The following TMCC1 variants were observed in gnomAD, a reference collection of about 807,000 sequenced individuals.
TMCC1 encodes the protein transmembrane and coiled-coil domains protein 1.
TMCC1 carries 15 observed loss-of-function variants against 52.4 expected under a neutral mutation model. The ratio of observed to expected loss-of-function variants is 0.29; its 90% CI spans 0.19 to 0.44. The LOEUF is 0.44. Among genes scored for constraint, TMCC1 ranks in the 20% least tolerant of loss-of-function variants. TMCC1 has a pLI of 1.00. For missense variants in TMCC1, 503 were observed against 806.0 expected, an observed-to-expected ratio of 0.62 and a Z score of 4.55; for synonymous variants, 279 against 301.9, an observed-to-expected ratio of 0.92 and a Z score of 0.79.
In TMCC1 at chr3:129,828,067, A is replaced by G. The variant is rs761224048; in HGVS notation, c.312T>C (p.Arg104=). The G allele has an allele frequency of 6.2e-7, 1 of 1,614,120 alleles. No individual in the cohort carries two copies. Among genetic ancestry groups the G allele is most frequent in the Non-Finnish European group, 8.5e-7 (1 of 1,180,016 alleles). ...GVPTHPTALN[R]VLQQIRVPPK... ...GTGGCACTCGAATCTGCTGCAGGACACGATTCAGAGCTGTGGGGTGGGTGG... is the reference window on the plus strand; with the variant it reads ...GTGGCACTCGAATCTGCTGCAGGACGCGATTCAGAGCTGTGGGGTGGGTGG... Residue 104 remains arginine (R), a synonymous_variant, in exon 4 of 7, where the codon CGT becomes CGC. Transcript: ENST00000393238. The surrounding 1 kb of genome is among the most constrained non-coding windows in gnomAD (Gnocchi z 4.1).
At chr3:129,672,649 G>C (rs2088053982) in intron 4 of TMCC1, among the ~76,000 whole-genome samples, 1 of 152,072 alleles carries the variant, frequency 6.6e-6, no homozygotes, top group African/African-American at 2.4e-5. Flanking sequence ...ACAGAGTAAT[G>C]AGTAATGAGT....
chr3:129,855,825 T>C (rs1254025877), intron 2 of TMCC1, among the ~76,000 whole-genome samples: 1 of 152,216 alleles, frequency 6.6e-6, no homozygotes, highest in African/African-American at 2.4e-5. Context: ...GATATTATAA[T>C]TCATTTTTAA....
intron 4 of TMCC1, among the ~76,000 whole-genome samples, chr3:129,712,623 A>AT (rs946518980): frequency 1.5e-4 from 22 of 149,306 alleles, no homozygotes; most frequent in South Asian, 2.1e-4. Context: ...AATTAAAAAA[A>AT]TTTTTTTTTT....
chr3:129,655,720 C>T (rs2086624891), intron 5 of TMCC1, among the ~76,000 whole-genome samples: 1 of 152,116 alleles, frequency 6.6e-6, no homozygotes, highest in Admixed American at 6.6e-5. Flanking sequence ...GAGTGCCTGC[C>T]CTCAGGAGTT....
At chr3:129,763,633 A>C (rs2107684324) in intron 4 of TMCC1, among the ~76,000 whole-genome samples, 1 of 151,882 alleles carries the variant, frequency 6.6e-6, no homozygotes, top group African/African-American at 2.4e-5. Context: ...AGAACTTAAT[A>C]AAAGCCAGAT....
At chr3:129,868,969 T>C (rs2060788021) in intron 2 of TMCC1, 1 of 152,230 alleles carries the variant, frequency 6.6e-6, no homozygotes, top group Non-Finnish European at 1.5e-5. Flanking sequence ...CCTTGATTCC[T>C]GGCAGAGCTC....
chr3:129,738,039 C>T (rs2051126029), intron 4 of TMCC1, among the ~76,000 whole-genome samples: 1 of 151,804 alleles, frequency 6.6e-6, no homozygotes, highest in Admixed American at 6.6e-5. Context: ...GGGAGGCTGA[C>T]GTGGGCAGAC....
intron 4 of TMCC1, among the ~76,000 whole-genome samples, chr3:129,743,201 CTCTT>C (rs2051614718): frequency 6.6e-6 from 1 of 152,168 alleles, no homozygotes; most frequent in African/African-American, 2.4e-5. Context: ...TTTCAAAAAG[CTCTT>C]TCTAAAAAGT....
intron 4 of TMCC1, among the ~76,000 whole-genome samples, chr3:129,678,869 AAC>A (rs1187956902): frequency 2.0e-5 from 3 of 152,320 alleles, no homozygotes; most frequent in Non-Finnish European, 2.9e-5. Flanking sequence ...CTAGCAATGC[AAC>A]AGTCTCCTAT....
chr3:129,836,602 A>G (rs2059171330), intron 2 of TMCC1, among the ~76,000 whole-genome samples: 1 of 152,224 alleles, frequency 6.6e-6, no homozygotes, highest in South Asian at 2.1e-4. Flanking sequence ...TCCAGGCAAT[A>G]CAACATTTAT....
At position 129,891,928 on chromosome 3, in the gene TMCC1, A is replaced by T. The variant is rs140466302; in HGVS notation, c.-435+1566T>A. ...CAGTTTAAAGTAATGGTGGTTGGTC[A>T]CCAACTAGTCTAGGGCACTGGGGTT... is the stretch of plus-strand genomic sequence containing the variant. On this transcript the variant is annotated intron_variant, in intron 1 of 6. Coordinates refer to ENST00000393238, the MANE Select transcript of TMCC1 (RefSeq NM_001017395.5). Among the ~76,000 whole-genome samples the T allele has an allele frequency of 4.6e-5, 7 of 152,338 alleles. No homozygotes were observed. The East Asian group carries it at 1.3e-3, about 29-fold the overall frequency.
chr3:129,839,468 T>C (rs1317493538), intron 2 of TMCC1, among the ~76,000 whole-genome samples: 1 of 151,272 alleles, frequency 6.6e-6, no homozygotes, highest in African/African-American at 2.4e-5. Context: ...AAGAAGGCAG[T>C]AGGAAAAAAA....
chr3:129,836,302 CAAAT>C (rs1242754764), intron 2 of TMCC1, among the ~76,000 whole-genome samples: 4 of 152,066 alleles, frequency 2.6e-5, no homozygotes, highest in African/African-American at 7.2e-5. Context: ...ACAAATGACT[CAAAT>C]AAAGGGAGAG....
At chr3:129,739,305 T>C (rs1576640931) in intron 4 of TMCC1, among the ~76,000 whole-genome samples, 1 of 152,174 alleles carries the variant, frequency 6.6e-6, no homozygotes, top group East Asian at 1.9e-4. Flanking sequence ...CTAGCTGGGA[T>C]TACAGGCATG....
intron 2 of TMCC1, among the ~76,000 whole-genome samples, chr3:129,859,326 G>A: frequency 6.6e-6 from 1 of 152,120 alleles, no homozygotes; most frequent in South Asian, 2.1e-4. Context: ...ATTTAAGTAT[G>A]AGATAAACCA....
At chr3:129,671,342 G>C in intron 4 of TMCC1, 78 bp from the exon 5 acceptor site, 1 of 1,397,138 alleles carries the variant, frequency 7.2e-7, no homozygotes, top group South Asian at 1.4e-5. Context: ...AAATGTATTG[G>C]AAATGTGTCT....
At chr3:129,655,254 T>A in intron 5 of TMCC1, 151 bp from the exon 6 acceptor site, 1 of 917,030 alleles carries the variant, frequency 1.1e-6, no homozygotes, top group Non-Finnish European at 1.6e-6. Flanking sequence ...CCAGTGGGTA[T>A]AGCTCTTAGT....
Position 129,649,000 on chromosome 3 carries a change from T to C in TMCC1, c.*2481A>G, listed in dbSNP as rs372226555. On this transcript the variant is annotated 3_prime_UTR_variant, in exon 7 of 7. Coordinates refer to ENST00000393238, the MANE Select transcript of TMCC1 (RefSeq NM_001017395.5). ...CCTAAGACAGTTTGAGAAAGGAAGA[T>C]AGAAAGTCAGCATGGGACTATTTGG... The C allele has an allele frequency of 1.1e-4, 17 of 152,230 alleles. No homozygotes were observed. Among genetic ancestry groups the C allele is most frequent in the Admixed American group, 3.3e-4 (5 of 15,282 alleles). The allele number at this position is 152,230 out of a possible 1,614,324, so 9.4% of individuals were successfully genotyped here. A position where few individuals can be genotyped will look rare whatever the true frequency, so the allele number is the denominator to read the frequency against.
intron 4 of TMCC1, among the ~76,000 whole-genome samples, chr3:129,772,737 A>C (rs2054704310): frequency 1.3e-5 from 2 of 151,448 alleles, no homozygotes; most frequent in South Asian, 4.2e-4. Flanking sequence ...AAAAAAAAAA[A>C]AAAAAAACTG....
Sources: allele counts gnomAD v4.1 joint callset (sites outside exome capture counted in the v4.1 genomes callset), GRCh38; gene constraint gnomAD v4.1.1; non-coding constraint Gnocchi (gnomAD v3.1); transcripts MANE v1.5; gene names NCBI Gene and HGNC (gene_info 2026-07-23, HGNC 2026-07-21).